SPATA18: variants seen among roughly 807,000 people sequenced by gnomAD.
SPATA18 encodes mitochondria-eating protein.
Under a neutral mutation model 68.1 loss-of-function variants are expected in SPATA18, and 54 were observed. The ratio of observed to expected loss-of-function variants is 0.79; its 90% CI spans 0.64 to 0.99. The LOEUF (loss-of-function observed/expected upper bound fraction) is 0.99. Among genes scored for constraint, SPATA18 ranks in the 50% least tolerant of loss-of-function variants. SPATA18 has a pLI of 0.00. For synonymous variants in SPATA18, 242 were observed against 244.8 expected (o/e 0.99, Z 0.11); for missense variants, 724 against 681.1 (o/e 1.06, Z -0.70).
chr4:52,083,008 C>A (rs1741084577), intron 10 of SPATA18: 1 of 985,158 alleles, frequency 1.0e-6, no homozygotes, highest in African/African-American at 1.7e-5. Context: ...AGAGAGGAAC[C>A]AATCAGTTTG....
Position 52,082,616 on chromosome 4 carries a change from A to T in SPATA18, c.1479+106A>T, listed in dbSNP as rs779444901. The stretch of plus-strand genomic sequence containing the variant: ...TATAAAAGAAGTTTATAAAGAGTTG[A>T]TAAGATTTCATACAAAGGAGAGGTC... On this transcript the variant is annotated intron_variant, in intron 10 of 12. Transcript: ENST00000295213. 4 of 1,601,214 alleles carry T rather than the reference A, an allele frequency of 2.5e-6. No homozygotes were observed. The South Asian group carries it at 3.4e-5, about 13-fold the overall frequency.
intron 11 of SPATA18, among the ~76,000 whole-genome samples, chr4:52,092,941 T>C (rs943681369): frequency 6.6e-6 from 1 of 152,020 alleles, no homozygotes; most frequent in Non-Finnish European, 1.5e-5. Flanking sequence ...AACTAAATGA[T>C]GAGAACACAT....
chr4:52,087,686 T>C (rs1308583655), intron 11 of SPATA18, among the ~76,000 whole-genome samples: 1 of 152,164 alleles, frequency 6.6e-6, no homozygotes, highest in Non-Finnish European at 1.5e-5. Flanking sequence ...TGTAGTATAG[T>C]TTGAAGTCAG....
At chr4:52,070,570 A>G (rs1225829252) in intron 5 of SPATA18, among the ~76,000 whole-genome samples, 1 of 151,894 alleles carries the variant, frequency 6.6e-6, no homozygotes, top group East Asian at 1.9e-4. Flanking sequence ...GCATTAGGAG[A>G]TATACCTAAT....
chr4:52,057,011 G>T (rs1738404641), intron 1 of SPATA18, among the ~76,000 whole-genome samples: 2 of 152,024 alleles, frequency 1.3e-5, no homozygotes, highest in South Asian at 4.2e-4. Flanking sequence ...CTCTTGAAAT[G>T]CCCTTCCCTC....
In SPATA18 at chr4:52,070,369, A is replaced by G. The variant is rs73248607; in HGVS notation, c.518+453A>G. The stretch of plus-strand genomic sequence containing the variant: ...CCTCATATTGAATATTTACTTGTAT[A>G]CTAATTTTCAACATGGGAAATAATA... On this transcript the variant is annotated intron_variant, in intron 5 of 12. Coordinates refer to ENST00000295213, the MANE Select transcript of SPATA18 (RefSeq NM_145263.4). 2.4e-3 allele frequency among the ~76,000 whole-genome samples: 372 copies of G among 152,286 alleles called. 3 individuals carry two copies. Among genetic ancestry groups the G allele is most frequent in the Non-Finnish European group, 4.3e-3 (293 of 68,032 alleles).
rs903483745 is a variant in SPATA18, at chr4:52,051,474, G to A, written c.-231G>A. 7.4e-6 allele frequency: 4 copies of A among 540,154 alleles called. No individual in the cohort carries two copies. Among genetic ancestry groups the A allele is most frequent in the African/African-American group, 5.7e-5 (3 of 52,702 alleles). The allele number at this position is 540,154 out of a possible 1,614,324, so 33.5% of individuals were successfully genotyped here. A position where few individuals can be genotyped will look rare whatever the true frequency, so the allele number is the denominator to read the frequency against. On this transcript the variant is annotated 5_prime_UTR_variant, in exon 1 of 13. Transcript: ENST00000295213. The stretch of plus-strand genomic sequence containing the variant: ...GCGGCTGCTGGGGAGCCAGGAGACC[G>A]CGCGGGACGGCGGATGAGGCGCGGC...
chr4:52,052,846 G>A (rs1175615718), intron 1 of SPATA18, among the ~76,000 whole-genome samples: 1 of 152,222 alleles, frequency 6.6e-6, no homozygotes, highest in African/African-American at 2.4e-5. Context: ...CAGTGCTCCT[G>A]AAGTGGAGGG....
At chr4:52,056,524 T>C (rs1448915245) in intron 1 of SPATA18, among the ~76,000 whole-genome samples, 1 of 151,176 alleles carries the variant, frequency 6.6e-6, no homozygotes, top group African/African-American at 2.4e-5. Flanking sequence ...GTACCACTAC[T>C]GGACATTCCA....
rs79367926 is a variant in SPATA18, at chr4:52,063,155, T to A, written c.422+823T>A. On this transcript the variant is annotated intron_variant, in intron 4 of 12. Transcript: ENST00000295213. ...ATGGGACAGAAAGGAAATCTTTTTTTAAAAAAAATTAATAACTAGTTAAGG... is the reference window on the plus strand; with the variant it reads ...ATGGGACAGAAAGGAAATCTTTTTTAAAAAAAAATTAATAACTAGTTAAGG... Among the ~76,000 whole-genome samples the A allele has an allele frequency of 3.4e-3, 516 of 152,200 alleles. 5 individuals are homozygous for A. Among genetic ancestry groups the A allele is most frequent in the African/African-American group, 0.012 (479 of 41,532 alleles).
chr4:52,087,497 T>G (rs1741541200), intron 11 of SPATA18, among the ~76,000 whole-genome samples: 1 of 152,214 alleles, frequency 6.6e-6, no homozygotes, highest in Non-Finnish European at 1.5e-5. Flanking sequence ...GCTAGCCAGT[T>G]TTCACAACAC....
At chr4:52,070,233 C>A (rs1163300524) in intron 5 of SPATA18, among the ~76,000 whole-genome samples, 1 of 151,794 alleles carries the variant, frequency 6.6e-6, no homozygotes, top group Admixed American at 6.6e-5. Context: ...TATAAGTATA[C>A]AATTTTGGAT....
intron 11 of SPATA18, among the ~76,000 whole-genome samples, chr4:52,090,494 A>C (rs1483238701): frequency 6.6e-6 from 1 of 152,138 alleles, no homozygotes; most frequent in Non-Finnish European, 1.5e-5. Flanking sequence ...AAAATCCCTC[A>C]GCATTTGCTT....
intron 4 of SPATA18, among the ~76,000 whole-genome samples, chr4:52,065,286 C>T (rs1739225472): frequency 6.6e-6 from 1 of 152,036 alleles, no homozygotes; most frequent in Non-Finnish European, 1.5e-5. Context: ...GCAGAAGCTT[C>T]TTAGTTTAAT....
chr4:52,076,720 T>C, intron 6 of SPATA18, 59 bp from the exon 7 acceptor site: 4 of 1,592,832 alleles, frequency 2.5e-6, no homozygotes, highest in Non-Finnish European at 8.5e-7. Flanking sequence ...CAGATGATCT[T>C]TGCTTTACTT....
At chr4:52,051,901 C>A in intron 1 of SPATA18, 110 bp downstream of exon 1, 1 of 983,882 alleles carries the variant, frequency 1.0e-6, no homozygotes, top group Non-Finnish European at 1.6e-6. Flanking sequence ...AAAGCCTCCG[C>A]GGTTGCGATT....
At chr4:52,071,276 C>T (rs1413399809) in intron 5 of SPATA18, among the ~76,000 whole-genome samples, 1 of 152,104 alleles carries the variant, frequency 6.6e-6, no homozygotes, top group Non-Finnish European at 1.5e-5. Flanking sequence ...CTGGCTTTTG[C>T]TCTTGTTTTA....
chr4:52,077,224 TTTCC>T (rs1304546799), intron 7 of SPATA18, among the ~76,000 whole-genome samples, 184 bp downstream of exon 7: 6 of 150,598 alleles, frequency 4.0e-5, no homozygotes, highest in South Asian at 4.3e-4. Context: ...TCCTTTCCTA[TTTCC>T]TTCCTTCCTT....
intron 3 of SPATA18, 105 bp from the exon 4 acceptor site, chr4:52,062,115 T>C: frequency 1.5e-6 from 1 of 674,724 alleles, no homozygotes; most frequent in Non-Finnish European, 2.6e-6. Context: ...CATGGAGCCG[T>C]GCATAATTGT....
Sources: gnomAD v4.1 joint callset for allele counts (sites outside exome capture counted in the v4.1 genomes callset) on GRCh38, gnomAD v4.1.1 for gene constraint, MANE v1.5 for transcripts, NCBI Gene and HGNC (gene_info 2026-07-23, HGNC 2026-07-21) for gene names.